DYM: variants seen among roughly 807,000 people sequenced by gnomAD.
The protein encoded by DYM is dymeclin.
In DYM, 78 loss-of-function variants were observed where a neutral mutation model predicts 93.1. The observed-to-expected ratio is 0.84, with a 90% CI of 0.70 to 1.01. The LOEUF (loss-of-function observed/expected upper bound fraction) is 1.01, where lower values mean the gene tolerates loss of function less well. Among genes scored for constraint, DYM ranks in the 50% least tolerant of loss-of-function variants. DYM has a pLI of 0.00. For synonymous variants in DYM, 321 were observed against 319.7 expected, an observed-to-expected ratio of 1.00 and a Z score of -0.04; for missense variants, 789 against 845.0, an observed-to-expected ratio of 0.93 and a Z score of 0.82.
At chr18:49,149,863 T>C (rs966082815) in intron 15 of DYM, among the ~76,000 whole-genome samples, 12 of 151,916 alleles carry the variant, frequency 7.9e-5, no homozygotes, top group African/African-American at 2.4e-4. Flanking sequence ...CGCACCACCA[T>C]GCCTAGCTAA....
chr18:49,427,850 G>A (rs947422328), intron 2 of DYM, among the ~76,000 whole-genome samples: 2 of 152,220 alleles, frequency 1.3e-5, no homozygotes, highest in Non-Finnish European at 2.9e-5. Context: ...TTCAGAGGCA[G>A]AGGCAGGAGG....
At chr18:49,284,290 T>C (rs2095065502) in intron 9 of DYM, among the ~76,000 whole-genome samples, 1 of 152,228 alleles carries the variant, frequency 6.6e-6, no homozygotes, top group South Asian at 2.1e-4. Context: ...AAACATGTCA[T>C]TATTCTGATC....
At chr18:49,072,442 A>G in intron 17 of DYM, among the ~76,000 whole-genome samples, 1 of 152,086 alleles carries the variant, frequency 6.6e-6, no homozygotes, top group East Asian at 1.9e-4. Flanking sequence ...TAGCCCCCAG[A>G]CTCACTCCCT....
chr18:49,440,207 T>C (rs924320530), intron 1 of DYM, among the ~76,000 whole-genome samples: 2 of 143,102 alleles, frequency 1.4e-5, no homozygotes, highest in South Asian at 4.4e-4. Flanking sequence ...GATAACCAAA[T>C]TCTGTTCTAA....
At chr18:49,102,118 TA>T (rs2080216717) in intron 16 of DYM, among the ~76,000 whole-genome samples, 1 of 152,202 alleles carries the variant, frequency 6.6e-6, no homozygotes, top group South Asian at 2.1e-4. Context: ...TAGGAACCAA[TA>T]ATGATAATGT....
rs930984830 is a variant in DYM, at chr18:49,350,742, A to C, written c.494+12419T>G. On this transcript the variant is annotated intron_variant, in intron 6 of 17. Coordinates refer to ENST00000675505, the MANE Select transcript of DYM (RefSeq NM_001353214.3). ...AAAAAAAAAGAAAAAAAAAAAAAAA[A>C]CAAGAAACACTTTTTATGCGGTATG... 7.4e-5 allele frequency among the ~76,000 whole-genome samples: 11 copies of C among 149,428 alleles called. No individual in the cohort carries two copies. In the East Asian group the frequency reaches 8.1e-4, roughly 11 times the overall value.
At chr18:49,415,096 T>C (rs1479867339) in intron 2 of DYM, among the ~76,000 whole-genome samples, 2 of 151,990 alleles carry the variant, frequency 1.3e-5, no homozygotes, top group Non-Finnish European at 2.9e-5. Flanking sequence ...GCGATTCTCC[T>C]GCTTCAACCT....
At chr18:49,268,491 T>G (rs2094609726) in intron 11 of DYM, among the ~76,000 whole-genome samples, 9 of 152,206 alleles carry the variant, frequency 5.9e-5, no homozygotes, top group Admixed American at 5.9e-4. Context: ...CTCTGCTAAC[T>G]TGAAAGTGTT....
At chr18:49,318,455 T>TA (rs979986925) in intron 8 of DYM, among the ~76,000 whole-genome samples, 7 of 151,672 alleles carry the variant, frequency 4.6e-5, no homozygotes, top group African/African-American at 1.2e-4. Flanking sequence ...CCATCTCTAC[T>TA]AAAAAAAATT....
intron 2 of DYM, among the ~76,000 whole-genome samples, chr18:49,414,426 G>T (rs1454994030): frequency 2.0e-5 from 3 of 152,086 alleles, no homozygotes; most frequent in Admixed American, 6.5e-5. Context: ...CCATATTATA[G>T]GATAGTTAGT....
intron 13 of DYM, among the ~76,000 whole-genome samples, chr18:49,252,583 C>G (rs927837903): frequency 1.3e-5 from 2 of 152,120 alleles, no homozygotes; most frequent in Non-Finnish European, 2.9e-5. Context: ...CAAAGCCTAA[C>G]CATTATCAGG....
chr18:49,060,726 A>AGAGAGG (rs1939589643), intron 17 of DYM, among the ~76,000 whole-genome samples: 1 of 33,588 alleles, frequency 3.0e-5, no homozygotes, highest in African/African-American at 1.3e-4. Flanking sequence ...AGGTGGGGGG[A>AGAGAGG]GAGAGGGAGA....
chr18:49,201,897 T>A (rs1052228766), intron 14 of DYM, among the ~76,000 whole-genome samples: 4 of 152,234 alleles, frequency 2.6e-5, no homozygotes, highest in Non-Finnish European at 5.9e-5. Context: ...AATGGTATTA[T>A]TTTTCTGTCT....
chr18:49,422,651 C>T (rs141752670), intron 2 of DYM, among the ~76,000 whole-genome samples: 3 of 151,992 alleles, frequency 2.0e-5, no homozygotes, highest in African/African-American at 7.2e-5. Context: ...TCAGGAAACC[C>T]ATCTCACGTG....
chr18:49,102,259 A>C (rs1234099514), intron 16 of DYM, among the ~76,000 whole-genome samples: 1 of 152,222 alleles, frequency 6.6e-6, no homozygotes, highest in Non-Finnish European at 1.5e-5. Context: ...TTAAGGCTGT[A>C]AATTTCTCTC....
intron 10 of DYM, among the ~76,000 whole-genome samples, chr18:49,275,644 A>G (rs754489975): frequency 9.9e-5 from 15 of 152,224 alleles, no homozygotes; most frequent in South Asian, 2.1e-4. Context: ...TAGGAGGCCA[A>G]TGTGGGAGGA....
At chr18:49,138,115 T>C (rs2084052108) in intron 15 of DYM, among the ~76,000 whole-genome samples, 2 of 152,186 alleles carry the variant, frequency 1.3e-5, no homozygotes, top group South Asian at 4.1e-4. Context: ...GTATGTGATT[T>C]ATATATAAGA....
chr18:49,292,900 C>T (rs761497762), intron 8 of DYM, among the ~76,000 whole-genome samples: 19 of 151,994 alleles, frequency 1.3e-4, no homozygotes, highest in Non-Finnish European at 2.4e-4. Flanking sequence ...TAGGTATACA[C>T]GTGCCATGGT....
Position 49,266,564 on chromosome 18 carries a change from T to C in DYM, c.1251+5614A>G, listed in dbSNP as rs146232191. On this transcript the variant is annotated intron_variant, in intron 11 of 17. Transcript: ENST00000675505. ...AAGTCAAGGCTACAGTGAGCAGCGA[T>C]TGTGCCACTGCACTCCAGCATGGGT... Among the ~76,000 whole-genome samples, 8 of 152,338 alleles carry C rather than the reference T, an allele frequency of 5.3e-5. No individual in the cohort carries two copies. In the East Asian group the frequency reaches 9.6e-4, roughly 18 times the overall value.
Sources: allele counts gnomAD v4.1 joint callset (sites outside exome capture counted in the v4.1 genomes callset), GRCh38; gene constraint gnomAD v4.1.1; transcripts MANE v1.5; gene names NCBI Gene and HGNC (gene_info 2026-07-23, HGNC 2026-07-21).